Variants in CDH18 observed in about 807,000 individuals in gnomAD.
The protein encoded by CDH18 is cadherin 18.
Under a neutral mutation model 67.9 loss-of-function variants are expected in CDH18, and 31 were observed. The ratio of observed to expected loss-of-function variants is 0.46; its 90% confidence interval spans 0.34 to 0.62. The LOEUF (loss-of-function observed/expected upper bound fraction) is 0.62. Ranked by LOEUF, CDH18 falls within the 20% of genes least tolerant of loss-of-function variation. CDH18 has a pLI of 0.01. For synonymous variants in CDH18, 362 were observed against 347.2 expected, an observed-to-expected ratio of 1.04 and a Z score of -0.48; for missense variants, 890 against 975.5, an observed-to-expected ratio of 0.91 and a Z score of 1.17.
chr5:20,064,443 T>A (rs1201977497), intron 2 of CDH18, among the ~76,000 whole-genome samples: 1 of 152,164 alleles, frequency 6.6e-6, no homozygotes, highest in Non-Finnish European at 1.5e-5. Flanking sequence ...GGAAGCCAAG[T>A]GTTAGCTTCT....
intron 1 of CDH18, among the ~76,000 whole-genome samples, chr5:20,260,252 A>G (rs570813601): frequency 1.3e-5 from 2 of 151,784 alleles, no homozygotes; most frequent in South Asian, 4.2e-4. Flanking sequence ...ATTGCTGCTC[A>G]TCTTCCATTT....
At chr5:20,123,651 G>A (rs1748563929) in intron 2 of CDH18, among the ~76,000 whole-genome samples, 1 of 152,112 alleles carries the variant, frequency 6.6e-6, no homozygotes, top group South Asian at 2.1e-4. Context: ...ACTTTGGGAC[G>A]CCGAGGCGGG....
intron 1 of CDH18, among the ~76,000 whole-genome samples, chr5:19,981,988 CCAAA>C (rs1489171003): frequency 6.6e-6 from 1 of 151,994 alleles, no homozygotes; most frequent in African/African-American, 2.4e-5. Flanking sequence ...AGCTTTCTTC[CCAAA>C]CAGATGGCAA....
At position 20,422,782 on chromosome 5, in the gene CDH18, A is replaced by G. The variant is rs949014341; in HGVS notation, c.-580+152680T>C. ...CCAGAATGGACAAAAGGTAACTTTA[A>G]GTGTTTATAGAGAGAAATATTAACC... On this transcript the variant is annotated intron_variant, in intron 1 of 14. Transcript: ENST00000507958. 2.6e-5 allele frequency among the ~76,000 whole-genome samples: 4 copies of G among 151,206 alleles called. 1 individual carries two copies. Among genetic ancestry groups the G allele is most frequent in the African/African-American group, 9.9e-5 (4 of 40,488 alleles).
chr5:20,546,400 T>TA (rs34438337), intron 1 of CDH18, among the ~76,000 whole-genome samples: 68,313 of 150,946 alleles, frequency 0.45, 15,685 homozygotes, highest in East Asian at 0.57. Context: ...CACACTACTA[T>TA]AAAAAAAAAC....
intron 2 of CDH18, among the ~76,000 whole-genome samples, chr5:20,247,629 T>C (rs1239639011): frequency 6.6e-6 from 1 of 151,892 alleles, no homozygotes; most frequent in Non-Finnish European, 1.5e-5. Context: ...CTGGGCATGG[T>C]GGCGATCACC....
At chr5:20,546,399 A>AT (rs1757346381) in intron 1 of CDH18, among the ~76,000 whole-genome samples, 1 of 117,364 alleles carries the variant, frequency 8.5e-6, no homozygotes, top group Non-Finnish European at 1.9e-5. Flanking sequence ...TCACACTACT[A>AT]TAAAAAAAAA....
intron 2 of CDH18, among the ~76,000 whole-genome samples, chr5:19,852,237 C>T (rs572458718): frequency 2.2e-4 from 33 of 152,034 alleles, no homozygotes; most frequent in African/African-American, 7.9e-4. Flanking sequence ...CTGGTGTTAC[C>T]TAAGCAAGTC....
chr5:20,336,729 A>C (rs1739800758), intron 1 of CDH18, among the ~76,000 whole-genome samples: 1 of 61,694 alleles, frequency 1.6e-5, no homozygotes, highest in Admixed American at 1.9e-4. Flanking sequence ...TGTCTCAAAA[A>C]AAAAAAAAAA....
At chr5:20,169,366 C>T (rs1224124725) in intron 2 of CDH18, among the ~76,000 whole-genome samples, 1 of 152,046 alleles carries the variant, frequency 6.6e-6, no homozygotes, top group South Asian at 2.1e-4. Flanking sequence ...CTTTTGGTAG[C>T]AGTAGACATA....
intron 2 of CDH18, among the ~76,000 whole-genome samples, chr5:20,224,975 C>A (rs532105401): frequency 6.6e-6 from 1 of 151,978 alleles, no homozygotes. Flanking sequence ...CTTCTTCTTG[C>A]CTTTTGCCCT....
chr5:20,543,435 C>T (rs541312176), intron 1 of CDH18, among the ~76,000 whole-genome samples: 2 of 152,118 alleles, frequency 1.3e-5, no homozygotes, highest in South Asian at 4.1e-4. Flanking sequence ...GTTATTTTAG[C>T]ATACATACTT....
intron 2 of CDH18, among the ~76,000 whole-genome samples, chr5:20,154,069 G>A (rs6882821): frequency 6.6e-6 from 1 of 152,064 alleles, no homozygotes; most frequent in Non-Finnish European, 1.5e-5. Flanking sequence ...TCCATTTCCA[G>A]TAACAGGCCG....
chr5:20,516,173 AT>A lies in CDH18; in HGVS notation c.-580+59288del, dbSNP rs545767529. 6.0e-4 allele frequency among the ~76,000 whole-genome samples: 91 copies of A among 151,846 alleles called. 2 individuals carry two copies. The highest frequency in any genetic ancestry group is 2.2e-3 in the African/African-American group (90 of 41,462). ...TTATGGTGGTCCTATTATAATTTGG[AT>A]TTTTTTTCCTTTTGTAAAATATTAA... On this transcript the variant is annotated intron_variant, in intron 1 of 14. Transcript: ENST00000507958.
At chr5:20,359,511 T>C (rs1741914984) in intron 1 of CDH18, among the ~76,000 whole-genome samples, 1 of 152,200 alleles carries the variant, frequency 6.6e-6, no homozygotes, top group African/African-American at 2.4e-5. Context: ...ATATTTTCTT[T>C]ATAAACTATG....
Position 19,693,396 on chromosome 5 carries a change from C to T in CDH18, c.643+27951G>A, listed in dbSNP as rs193014433. ...AGTTTAAAAAATTCAATTATTACAA[C>T]CATCTAAAACATCTGAAGTGCATCT... is the stretch of plus-strand genomic sequence containing the variant. On this transcript the variant is annotated intron_variant, in intron 5 of 12. Coordinates refer to ENST00000382275, the MANE Select transcript of CDH18 (RefSeq NM_004934.5). 4.5e-3 allele frequency among the ~76,000 whole-genome samples: 683 copies of T among 152,222 alleles called. 6 individuals are homozygous for T. The highest frequency in any genetic ancestry group is 0.016 in the African/African-American group (647 of 41,546).
chr5:20,244,154 TG>T (rs1164360452), intron 2 of CDH18, among the ~76,000 whole-genome samples: 2 of 148,796 alleles, frequency 1.3e-5, no homozygotes, highest in African/African-American at 5.0e-5. Context: ...AACAAAAAGT[TG>T]TCACATACAA....
intron 2 of CDH18, among the ~76,000 whole-genome samples, chr5:20,052,823 A>G (rs771114993): frequency 3.0e-4 from 45 of 152,104 alleles, no homozygotes; most frequent in Non-Finnish European, 5.7e-4. Context: ...GAAGATAACC[A>G]GTTTTAAAGA....
At chr5:20,222,874 T>C (rs1224142384) in intron 2 of CDH18, among the ~76,000 whole-genome samples, 1 of 152,112 alleles carries the variant, frequency 6.6e-6, no homozygotes, top group Non-Finnish European at 1.5e-5. Flanking sequence ...TTTTTAAAAA[T>C]ATTTTACCTA....
Sources: gnomAD v4.1 joint callset for allele counts (sites outside exome capture counted in the v4.1 genomes callset) on GRCh38, gnomAD v4.1.1 for gene constraint, MANE v1.5 for transcripts, NCBI Gene and HGNC (gene_info 2026-07-23, HGNC 2026-07-21) for gene names.